HPSE2: variants seen among roughly 807,000 people sequenced by gnomAD.
HPSE2 encodes heparanase 2 (inactive).
Under a neutral mutation model 60.5 loss-of-function variants are expected in HPSE2, and 38 were observed. That is an observed-to-expected ratio of 0.63 (90% CI 0.48 to 0.82). The LOEUF is 0.82. Ranked by LOEUF, HPSE2 falls within the 40% of genes least tolerant of loss-of-function variation. The probability of loss-of-function intolerance (pLI) is 0.00; values close to 1 mark genes in which losing one functional copy is unlikely to be tolerated. For missense variants in HPSE2, 713 were observed against 740.4 expected (o/e 0.96, Z 0.43); for synonymous variants, 295 against 293.2 (o/e 1.01, Z -0.06).
chr10:98,842,092 C>T (rs1361863920), intron 3 of HPSE2, among the ~76,000 whole-genome samples: 1 of 152,230 alleles, frequency 6.6e-6, no homozygotes, highest in African/African-American at 2.4e-5. Context: ...AGGCGTGCCA[C>T]CGCACCCGGC....
At chr10:98,559,549 C>T (rs1944112066) in intron 9 of HPSE2, among the ~76,000 whole-genome samples, 2 of 152,186 alleles carry the variant, frequency 1.3e-5, no homozygotes, top group Admixed American at 1.3e-4. Flanking sequence ...TGCCCCAAGT[C>T]CTTCTCACTC....
At chr10:98,955,344 A>G (rs1375136266) in intron 3 of HPSE2, among the ~76,000 whole-genome samples, 1 of 152,214 alleles carries the variant, frequency 6.6e-6, no homozygotes, top group Non-Finnish European at 1.5e-5. Context: ...GTGGACAAAC[A>G]TATTTTTTTA....
At chr10:98,868,176 A>C (rs956487992) in intron 3 of HPSE2, among the ~76,000 whole-genome samples, 1 of 151,878 alleles carries the variant, frequency 6.6e-6, no homozygotes, top group African/African-American at 2.4e-5. Context: ...AAAGAATGAG[A>C]TTCTGTCATT....
At chr10:98,626,111 AAAAAAAG>A (rs1201747747) in intron 7 of HPSE2, among the ~76,000 whole-genome samples, 6 of 137,960 alleles carry the variant, frequency 4.3e-5, no homozygotes, top group African/African-American at 1.6e-4. Flanking sequence ...GTCTCAAAAA[AAAAAAAG>A]AAAAAGAAAA....
At chr10:98,852,113 A>ATATATATATGTGTGTGTGTGTGTG (rs779720749) in intron 3 of HPSE2, among the ~76,000 whole-genome samples, 2 of 91,964 alleles carry the variant, frequency 2.2e-5, no homozygotes, top group African/African-American at 4.6e-5. Flanking sequence ...GTATATTATG[A>ATATATATATGTGTGTGTGTGTGTG]TGTGTGTGTG....
At chr10:98,803,140 T>C (rs1247009758) in intron 3 of HPSE2, among the ~76,000 whole-genome samples, 3 of 151,944 alleles carry the variant, frequency 2.0e-5, no homozygotes, top group Non-Finnish European at 2.9e-5. Flanking sequence ...TGTTTGTTCA[T>C]GTCCTTTGCC....
intron 3 of HPSE2, among the ~76,000 whole-genome samples, chr10:98,846,525 C>T (rs979396706): frequency 4.6e-5 from 7 of 152,156 alleles, no homozygotes; most frequent in Admixed American, 2.0e-4. Context: ...CCCAGGAGTA[C>T]GGTAGCATCT....
At chr10:98,974,831 A>G (rs571942152) in intron 3 of HPSE2, among the ~76,000 whole-genome samples, 8 of 152,300 alleles carry the variant, frequency 5.3e-5, no homozygotes, top group Admixed American at 2.6e-4. Flanking sequence ...AACACTAACT[A>G]AAGATTGTAT....
intron 3 of HPSE2, among the ~76,000 whole-genome samples, chr10:98,973,064 C>T (rs1372897879): frequency 6.6e-6 from 1 of 152,074 alleles, no homozygotes; most frequent in Non-Finnish European, 1.5e-5. Flanking sequence ...CACTAAGCAA[C>T]AAAATCACTG....
At chr10:99,102,790 A>T (rs1844064648) in intron 3 of HPSE2, among the ~76,000 whole-genome samples, 1 of 152,220 alleles carries the variant, frequency 6.6e-6, no homozygotes, top group Admixed American at 6.5e-5. Flanking sequence ...CACCATGATC[A>T]AGTGGGCTTC....
intron 3 of HPSE2, among the ~76,000 whole-genome samples, chr10:99,115,799 A>G (rs981776954): frequency 3.9e-5 from 6 of 152,288 alleles, no homozygotes; most frequent in African/African-American, 1.4e-4. Flanking sequence ...GAGGACTTCT[A>G]AGCAACAGAG....
chr10:98,687,214 G>A (rs569692620), intron 6 of HPSE2, among the ~76,000 whole-genome samples: 3 of 152,198 alleles, frequency 2.0e-5, no homozygotes, highest in African/African-American at 7.2e-5. Flanking sequence ...GGTCTCACTG[G>A]CCTAAAATCA....
chr10:99,222,232 C>G (rs1289742052), intron 2 of HPSE2, among the ~76,000 whole-genome samples: 2 of 152,082 alleles, frequency 1.3e-5, no homozygotes, highest in African/African-American at 4.8e-5. Flanking sequence ...TGGAGAGAGA[C>G]TGCCCTGGAT....
intron 6 of HPSE2, among the ~76,000 whole-genome samples, chr10:98,644,367 A>C (rs1032800043): frequency 7.2e-5 from 11 of 152,346 alleles, no homozygotes; most frequent in African/African-American, 2.6e-4. Flanking sequence ...TGGGATGGGC[A>C]GGGGAGCATC....
intron 10 of HPSE2, among the ~76,000 whole-genome samples, chr10:98,483,150 G>A (rs1447522589): frequency 1.3e-5 from 2 of 152,156 alleles, no homozygotes; most frequent in African/African-American, 2.4e-5. Context: ...CTCATATCTT[G>A]AGATATGATA....
chr10:99,046,556 T>C (rs1350899021), intron 3 of HPSE2, among the ~76,000 whole-genome samples: 2 of 152,122 alleles, frequency 1.3e-5, no homozygotes, highest in Non-Finnish European at 2.9e-5. Flanking sequence ...TTGCTGCCGA[T>C]ATGATTCTAT....
At chr10:98,467,233 T>C (rs1940574198) in intron 11 of HPSE2, among the ~76,000 whole-genome samples, 1 of 152,088 alleles carries the variant, frequency 6.6e-6, no homozygotes, top group South Asian at 2.1e-4. Context: ...CTTGTCAGTC[T>C]CTCCACTAGA....
chr10:98,543,480 A>T (rs1390256403), intron 9 of HPSE2, among the ~76,000 whole-genome samples: 1 of 152,196 alleles, frequency 6.6e-6, no homozygotes, highest in Non-Finnish European at 1.5e-5. Context: ...ACATAACAAT[A>T]TTAACTTTAA....
chr10:99,082,949 A>C (rs952755564), intron 3 of HPSE2, among the ~76,000 whole-genome samples: 3 of 152,236 alleles, frequency 2.0e-5, no homozygotes, highest in Admixed American at 6.5e-5. Flanking sequence ...AAAAGAAGAG[A>C]ACAGCAAAGA....
Sources: allele counts gnomAD v4.1 joint callset (sites outside exome capture counted in the v4.1 genomes callset), GRCh38; gene constraint gnomAD v4.1.1; transcripts MANE v1.5; gene names NCBI Gene and HGNC (gene_info 2026-07-23, HGNC 2026-07-21).